RARB: variants seen among roughly 807,000 people sequenced by gnomAD.
RARB encodes HBV-activated protein.
In RARB, 17 loss-of-function variants were observed where a neutral mutation model predicts 51.9. The observed-to-expected ratio is 0.33, with a 90% confidence interval of 0.22 to 0.49. The LOEUF (loss-of-function observed/expected upper bound fraction) is 0.49. RARB is among the 20% of genes least tolerant of loss of function. The pLI, the probability that RARB is intolerant of heterozygous loss-of-function variation, is 0.99. For missense variants in RARB, 369 were observed against 550.8 expected (o/e 0.67, Z 3.30); for synonymous variants, 215 against 195.4 (o/e 1.10, Z -0.84).
intron 1 of RARB, among the ~76,000 whole-genome samples, chr3:25,445,713 C>A (rs1005046254): frequency 6.6e-6 from 1 of 152,206 alleles, no homozygotes; most frequent in East Asian, 1.9e-4. Context: ...AATTGCCTCT[C>A]AAAGTCCACA....
At chr3:25,516,928 C>T (rs780687471) in intron 3 of RARB, among the ~76,000 whole-genome samples, 27 of 152,174 alleles carry the variant, frequency 1.8e-4, no homozygotes, top group Non-Finnish European at 3.1e-4. Flanking sequence ...TGTCCAGCTT[C>T]CTTGTCCCTT....
intron 5 of RARB, among the ~76,000 whole-genome samples, chr3:25,369,689 G>A (rs192287130): frequency 7.2e-5 from 11 of 152,254 alleles, no homozygotes; most frequent in South Asian, 2.1e-4. Context: ...TTGAGAGACC[G>A]AGGCAGGCGG....
rs9861951 is a variant in RARB, at chr3:25,102,998, C to A, written c.-327-29163C>A. On this transcript the variant is annotated intron_variant, in intron 3 of 11. Coordinates refer to the RARB transcript ENST00000383772. ...CCAGGAGGCAGAGGTTGCAGTGAGCCGAGAGTGCGCCACTGCACTAGAACT... is the reference window on the plus strand; with the variant it reads ...CCAGGAGGCAGAGGTTGCAGTGAGCAGAGAGTGCGCCACTGCACTAGAACT... Among the ~76,000 whole-genome samples, 705 of 152,162 alleles carry A rather than the reference C, an allele frequency of 4.6e-3. 7 individuals carry two copies. Among genetic ancestry groups the A allele is most frequent in the African/African-American group, 0.017 (687 of 41,508 alleles).
At chr3:25,012,174 C>G (rs1176714875) in intron 2 of RARB, among the ~76,000 whole-genome samples, 1 of 152,052 alleles carries the variant, frequency 6.6e-6, no homozygotes, top group African/African-American at 2.4e-5. Context: ...AAACATTGAA[C>G]AGGAAATCAA....
At chr3:25,161,475 G>C (rs923118181) in intron 4 of RARB, among the ~76,000 whole-genome samples, 12 of 152,132 alleles carry the variant, frequency 7.9e-5, no homozygotes, top group African/African-American at 2.9e-4. Context: ...TGCTGGCTCT[G>C]TTTCACAGAG....
At chr3:25,332,962 C>T (rs1273320675) in intron 5 of RARB, among the ~76,000 whole-genome samples, 4 of 152,216 alleles carry the variant, frequency 2.6e-5, no homozygotes, top group Middle Eastern at 3.4e-3. Flanking sequence ...AGGAATCCAA[C>T]GTACAAGGGA....
At chr3:24,989,035 A>C (rs1312935852) in intron 2 of RARB, among the ~76,000 whole-genome samples, 1 of 152,168 alleles carries the variant, frequency 6.6e-6, no homozygotes. Flanking sequence ...CACGTTGGCC[A>C]GGCTGGTCTT....
At chr3:25,364,702 G>A (rs1414917327) in intron 5 of RARB, among the ~76,000 whole-genome samples, 1 of 152,182 alleles carries the variant, frequency 6.6e-6, no homozygotes, top group Non-Finnish European at 1.5e-5. Context: ...TATTTGACAT[G>A]CAAGGCAATA....
intron 2 of RARB, among the ~76,000 whole-genome samples, chr3:25,050,797 CTT>C (rs1698317648): frequency 6.6e-6 from 1 of 152,198 alleles, no homozygotes; most frequent in Admixed American, 6.5e-5. Flanking sequence ...ATATTCAACA[CTT>C]ATGAATATGC....
At chr3:25,320,294 A>C (rs941352747) in intron 5 of RARB, among the ~76,000 whole-genome samples, 7 of 152,168 alleles carry the variant, frequency 4.6e-5, no homozygotes, top group Non-Finnish European at 8.8e-5. Context: ...AAAATATTAT[A>C]GTAAATTTAA....
In RARB at chr3:25,596,761, C is replaced by T; in HGVS notation, c.*145C>T. ...AGGACCAAGAAGTTTTCATATGTATCAATATATATACTCCTCACTGTGTAA... is the reference window on the plus strand; with the variant it reads ...AGGACCAAGAAGTTTTCATATGTATTAATATATATACTCCTCACTGTGTAA... On this transcript the variant is annotated 3_prime_UTR_variant, in exon 8 of 8. Transcript: ENST00000330688. 3 of 674,116 alleles carry T rather than the reference C, an allele frequency of 4.5e-6. No individual in the cohort carries two copies. The highest frequency in any genetic ancestry group is 3.0e-5 in the Admixed American group (1 of 33,460). The allele number at this position is 674,116 out of a possible 1,614,324, so 41.8% of individuals were successfully genotyped here.
chr3:25,470,755 C>T (rs7612424), intron 2 of RARB, among the ~76,000 whole-genome samples: 8,507 of 152,192 alleles, frequency 0.056, 375 homozygotes, highest in African/African-American at 0.12. Context: ...GGTTAGGTCC[C>T]CCTCTTTTAC....
At chr3:25,347,847 C>T (rs558550705) in intron 5 of RARB, among the ~76,000 whole-genome samples, 13 of 152,250 alleles carry the variant, frequency 8.5e-5, no homozygotes, top group South Asian at 4.1e-4. Flanking sequence ...CTGGTGATAA[C>T]GCAGAGCACT....
intron 5 of RARB, among the ~76,000 whole-genome samples, chr3:25,190,188 A>C (rs1701066341): frequency 2.3e-5 from 2 of 87,362 alleles, no homozygotes; most frequent in African/African-American, 9.6e-5. Flanking sequence ...AGACCAGTAG[A>C]AACAAATGGA....
chr3:25,366,186 G>T (rs1706115627), intron 5 of RARB, among the ~76,000 whole-genome samples: 1 of 152,074 alleles, frequency 6.6e-6, no homozygotes, highest in African/African-American at 2.4e-5. Flanking sequence ...TTGTAATATG[G>T]GTGTTGTTAT....
intron 5 of RARB, among the ~76,000 whole-genome samples, chr3:25,373,546 G>C (rs1706365327): frequency 6.6e-6 from 1 of 152,138 alleles, no homozygotes; most frequent in African/African-American, 2.4e-5. Context: ...GATTCTAAAT[G>C]TTTCTTCTCC....
intron 2 of RARB, among the ~76,000 whole-genome samples, chr3:25,058,272 C>T (rs1698480078): frequency 6.6e-6 from 1 of 151,746 alleles, no homozygotes; most frequent in South Asian, 2.1e-4. Flanking sequence ...CATAATTATC[C>T]TGGATGTTGA....
At chr3:24,879,211 C>T (rs375404648) in intron 2 of RARB, among the ~76,000 whole-genome samples, 271 of 151,164 alleles carry the variant, frequency 1.8e-3, no homozygotes, top group African/African-American at 6.2e-3. Context: ...CGGCGGATCA[C>T]GAGGTCAGGA....
At chr3:25,227,537 C>A (rs1383237765) in intron 5 of RARB, among the ~76,000 whole-genome samples, 1 of 151,912 alleles carries the variant, frequency 6.6e-6, no homozygotes, top group African/African-American at 2.4e-5. Context: ...CATAAAATTC[C>A]TCTAGAAAGT....
Sources: allele counts gnomAD v4.1 joint callset (sites outside exome capture counted in the v4.1 genomes callset), GRCh38; gene constraint gnomAD v4.1.1; transcripts MANE v1.5; gene names NCBI Gene and HGNC (gene_info 2026-07-23, HGNC 2026-07-21).